Variants in MARCHF1 observed in about 807,000 individuals in gnomAD.
The protein encoded by MARCHF1 is E3 ubiquitin-protein ligase MARCHF1.
Under a neutral mutation model 54.2 loss-of-function variants are expected in MARCHF1, and 40 were observed. The observed-to-expected ratio is 0.74, with a 90% CI of 0.57 to 0.96. The LOEUF (loss-of-function observed/expected upper bound fraction) is 0.96, where lower values mean the gene tolerates loss of function less well. MARCHF1 is among the 40% of genes least tolerant of loss of function. The pLI is 0.00. For missense variants in MARCHF1, 586 were observed against 656.5 expected (o/e 0.89, Z 1.17); for synonymous variants, 236 against 236.3 (o/e 1.00, Z 0.01).
At chr4:163,639,665 G>A (rs933334268) in intron 5 of MARCHF1, among the ~76,000 whole-genome samples, 6 of 152,064 alleles carry the variant, frequency 3.9e-5, no homozygotes, top group Non-Finnish European at 8.8e-5. Context: ...AATCTTCCCT[G>A]CTTGTCTACC....
At chr4:164,340,405 T>TTTTTTATATATATATATATATATATA in intron 1 of MARCHF1, among the ~76,000 whole-genome samples, 1 of 95,654 alleles carries the variant, frequency 1.0e-5, no homozygotes, top group Non-Finnish European at 2.2e-5. Context: ...AGGCCTTGAT[T>TTTTTTATATATATATATATATATATA]TATATATAGA....
At chr4:163,719,361 C>G (rs1362995059) in intron 4 of MARCHF1, among the ~76,000 whole-genome samples, 2 of 152,174 alleles carry the variant, frequency 1.3e-5, no homozygotes, top group African/African-American at 4.8e-5. Flanking sequence ...GACATGAACT[C>G]ATCCTTTTTT....
intron 2 of MARCHF1, among the ~76,000 whole-genome samples, chr4:164,038,847 C>T (rs1434887975): frequency 1.3e-5 from 2 of 152,038 alleles, no homozygotes; most frequent in African/African-American, 4.8e-5. Context: ...ATTATTAAAC[C>T]TTACTTTTAT....
intron 1 of MARCHF1, among the ~76,000 whole-genome samples, chr4:164,268,458 T>C (rs1183535811): frequency 6.6e-6 from 1 of 152,186 alleles, no homozygotes. Flanking sequence ...TGCAGAATTC[T>C]TTATGAGCTC....
intron 5 of MARCHF1, among the ~76,000 whole-genome samples, chr4:163,689,204 T>C (rs1356875178): frequency 2.0e-5 from 3 of 152,220 alleles, no homozygotes; most frequent in African/African-American, 4.8e-5. Context: ...TTTTTAATCT[T>C]CAGTATTTCT....
intron 1 of MARCHF1, among the ~76,000 whole-genome samples, chr4:164,176,891 C>T (rs1266193685): frequency 6.9e-6 from 1 of 145,286 alleles, no homozygotes; most frequent in African/African-American, 2.5e-5. Context: ...TTAGATTTTT[C>T]TTGATTTTTT....
intron 1 of MARCHF1, among the ~76,000 whole-genome samples, chr4:164,277,615 C>T (rs1228707723): frequency 2.0e-5 from 3 of 152,248 alleles, no homozygotes; most frequent in African/African-American, 7.2e-5. Context: ...CTTTTAATCT[C>T]AGCAGGAGGC....
intron 1 of MARCHF1, among the ~76,000 whole-genome samples, chr4:164,271,430 A>G (rs543590889): frequency 6.6e-6 from 1 of 152,304 alleles, no homozygotes; most frequent in African/African-American, 2.4e-5. Flanking sequence ...GAGAAAAGGA[A>G]TGCTGATGTT....
intron 3 of MARCHF1, among the ~76,000 whole-genome samples, chr4:163,922,299 T>C (rs565930490): frequency 1.3e-5 from 2 of 152,170 alleles, no homozygotes; most frequent in African/African-American, 2.4e-5. Flanking sequence ...ACCAGCATGG[T>C]ACATGTATAC....
At position 163,908,292 on chromosome 4, in the gene MARCHF1, T is replaced by C. The variant is rs185889764; in HGVS notation, c.-38-54123A>G. ...GTCAACAATATTAATCATGTACCTA[T>C]GACATGCAGCATGTTTGCCTCATGC... On this transcript the variant is annotated intron_variant, in intron 3 of 9. Transcript: ENST00000514618. Among the ~76,000 whole-genome samples the C allele has an allele frequency of 2.6e-5, 4 of 152,240 alleles. No homozygotes were observed. In the East Asian group the frequency reaches 5.8e-4, roughly 22 times the overall value.
chr4:163,953,769 A>G (rs1348705775), intron 3 of MARCHF1, among the ~76,000 whole-genome samples: 1 of 152,198 alleles, frequency 6.6e-6, no homozygotes, highest in East Asian at 1.9e-4. Context: ...TAATAAAATC[A>G]TGTCAAATTG....
chr4:164,013,014 C>T (rs1228766101), intron 2 of MARCHF1, among the ~76,000 whole-genome samples: 1 of 152,122 alleles, frequency 6.6e-6, no homozygotes, highest in African/African-American at 2.4e-5. Flanking sequence ...ACCAAGAACA[C>T]TCAGGAAAAC....
intron 1 of MARCHF1, among the ~76,000 whole-genome samples, chr4:164,215,456 G>T (rs1268911362): frequency 6.6e-6 from 1 of 152,108 alleles, no homozygotes; most frequent in Non-Finnish European, 1.5e-5. Flanking sequence ...GGTGTGACAG[G>T]CCAGAGTAGT....
At chr4:163,606,178 C>T (rs1741135538) in intron 7 of MARCHF1, among the ~76,000 whole-genome samples, 1 of 152,124 alleles carries the variant, frequency 6.6e-6, no homozygotes, top group Non-Finnish European at 1.5e-5. Context: ...TATCACTTGT[C>T]TTTGGGCTCT....
chr4:163,992,826 C>A (rs1752993964), intron 2 of MARCHF1, among the ~76,000 whole-genome samples: 1 of 149,496 alleles, frequency 6.7e-6, no homozygotes, highest in Non-Finnish European at 1.5e-5. Flanking sequence ...TGCATTGATA[C>A]AAGACAGAGA....
At chr4:163,965,997 CATT>C (rs1431316624) in intron 3 of MARCHF1, among the ~76,000 whole-genome samples, 3 of 152,124 alleles carry the variant, frequency 2.0e-5, no homozygotes, top group African/African-American at 7.2e-5. Flanking sequence ...ATAACATAAA[CATT>C]ATAAAATTTA....
At chr4:164,067,112 C>T (rs979565635) in intron 2 of MARCHF1, among the ~76,000 whole-genome samples, 3 of 151,924 alleles carry the variant, frequency 2.0e-5, no homozygotes, top group African/African-American at 7.3e-5. Flanking sequence ...ATGTTGTGTC[C>T]CTATTTTCAT....
intron 1 of MARCHF1, among the ~76,000 whole-genome samples, chr4:164,152,366 G>A (rs559325039): frequency 2.6e-5 from 4 of 152,042 alleles, no homozygotes; most frequent in Admixed American, 2.0e-4. Flanking sequence ...ACTAAGCTCC[G>A]ATTTTTTATC....
intron 5 of MARCHF1, among the ~76,000 whole-genome samples, chr4:163,688,989 T>C (rs1421322950): frequency 6.6e-6 from 1 of 152,198 alleles, no homozygotes; most frequent in Non-Finnish European, 1.5e-5. Flanking sequence ...ATATGACAGA[T>C]GGTCAGTGGC....
Sources: gnomAD v4.1 joint callset for allele counts (sites outside exome capture counted in the v4.1 genomes callset) on GRCh38, gnomAD v4.1.1 for gene constraint, MANE v1.5 for transcripts, NCBI Gene and HGNC (gene_info 2026-07-23, HGNC 2026-07-21) for gene names.